RBFOX1: variants seen among roughly 807,000 people sequenced by gnomAD.
The protein encoded by RBFOX1 is RNA binding fox-1 homolog 1, also known as RNA binding protein fox-1 homolog 1.
Under a neutral mutation model 57.7 loss-of-function variants are expected in RBFOX1, and 8 were observed. The observed-to-expected ratio is 0.14, with a 90% CI of 0.08 to 0.25. RBFOX1 has a LOEUF of 0.25. Ranked by LOEUF, RBFOX1 falls within the 10% of genes least tolerant of loss-of-function variation. The pLI is 1.00. For missense variants in RBFOX1, 611 were observed against 548.5 expected, an observed-to-expected ratio of 1.11 and a Z score of -1.14; for synonymous variants, 326 against 222.4, an observed-to-expected ratio of 1.47 and a Z score of -4.15.
chr16:5,641,414 A>C (rs2048871194), intron 3 of RBFOX1, among the ~76,000 whole-genome samples: 1 of 152,252 alleles, frequency 6.6e-6, no homozygotes, highest in Admixed American at 6.5e-5. Flanking sequence ...AGTAAGTGCT[A>C]CAAACAACTG....
intron 1 of RBFOX1, among the ~76,000 whole-genome samples, chr16:6,277,619 T>C (rs1045053058): frequency 6.7e-6 from 1 of 149,594 alleles, no homozygotes; most frequent in Non-Finnish European, 1.5e-5. Context: ...TGAGCCGTGA[T>C]TGCACCACGG....
At chr16:6,291,272 C>T (rs2077440370) in intron 1 of RBFOX1, among the ~76,000 whole-genome samples, 1 of 152,174 alleles carries the variant, frequency 6.6e-6, no homozygotes, top group Admixed American at 6.5e-5. Context: ...CCCAGTAGGT[C>T]TCAGCCTCAT....
chr16:5,916,624 G>T (rs80304605), intron 4 of RBFOX1, among the ~76,000 whole-genome samples: 10,964 of 152,150 alleles, frequency 0.072, 547 homozygotes, highest in African/African-American at 0.13. Context: ...GGGGAAGCAG[G>T]AGGAGGAGGA....
chr16:7,239,145 C>T (rs185818855), intron 4 of RBFOX1, among the ~76,000 whole-genome samples: 154 of 152,242 alleles, frequency 1.0e-3, no homozygotes, highest in African/African-American at 3.5e-3. Flanking sequence ...CTTTGCCTTT[C>T]CTAAACCATG....
At chr16:7,375,219 AG>A (rs1568488044) in intron 4 of RBFOX1, among the ~76,000 whole-genome samples, 1 of 152,250 alleles carries the variant, frequency 6.6e-6, no homozygotes, top group Non-Finnish European at 1.5e-5. Flanking sequence ...ACATCGTTTC[AG>A]TGACCAAGTC....
intron 1 of RBFOX1, among the ~76,000 whole-genome samples, chr16:6,219,798 C>A (rs1331196229): frequency 6.6e-6 from 1 of 152,098 alleles, no homozygotes; most frequent in Non-Finnish European, 1.5e-5. Context: ...ATCACTTGAA[C>A]CCAGAAGGCG....
chr16:7,131,458 C>G (rs976955349), intron 4 of RBFOX1, among the ~76,000 whole-genome samples: 2 of 148,420 alleles, frequency 1.3e-5, no homozygotes, highest in East Asian at 2.0e-4. Flanking sequence ...TGCTTCTGCT[C>G]CGGTAGGTTT....
intron 2 of RBFOX1, among the ~76,000 whole-genome samples, chr16:6,637,282 TATATA>T (rs1461678950): frequency 1.6e-5 from 1 of 61,240 alleles, no homozygotes; most frequent in African/African-American, 8.5e-5. Flanking sequence ...TTATATATTA[TATATA>T]ATATATAATA....
At chr16:6,796,999 C>T (rs909433386) in intron 3 of RBFOX1, among the ~76,000 whole-genome samples, 4 of 152,106 alleles carry the variant, frequency 2.6e-5, no homozygotes, top group African/African-American at 9.7e-5. Context: ...TAAGATGCCA[C>T]GGGCAGTCTA....
chr16:6,816,083 G>A (rs1051926628), intron 3 of RBFOX1, among the ~76,000 whole-genome samples: 1 of 152,168 alleles, frequency 6.6e-6, no homozygotes, highest in Non-Finnish European at 1.5e-5. Flanking sequence ...TGAGGCAGGA[G>A]GATTGCTTGA....
At chr16:6,722,416 T>C (rs1179562348) in intron 3 of RBFOX1, among the ~76,000 whole-genome samples, 1 of 152,226 alleles carries the variant, frequency 6.6e-6, no homozygotes, top group Non-Finnish European at 1.5e-5. Flanking sequence ...AAGTATATTA[T>C]TTGCAGAGCA....
intron 4 of RBFOX1, chr16:7,332,943 C>T: frequency 1.9e-6 from 3 of 1,611,016 alleles, no homozygotes; most frequent in South Asian, 1.1e-5. Flanking sequence ...CTATAGATTT[C>T]CCCCTAACTC....
At chr16:7,378,086 A>C (rs1043633847) in intron 4 of RBFOX1, among the ~76,000 whole-genome samples, 1 of 152,244 alleles carries the variant, frequency 6.6e-6, no homozygotes, top group Non-Finnish European at 1.5e-5. Context: ...ATGGAGAAGT[A>C]GGAGGCAGAA....
chr16:5,937,260 G>C (rs1264909407), intron 4 of RBFOX1, among the ~76,000 whole-genome samples: 1 of 152,158 alleles, frequency 6.6e-6, no homozygotes, highest in African/African-American at 2.4e-5. Flanking sequence ...GGATTTACAG[G>C]AGCAAAGGCA....
chr16:6,828,004 T>C (rs1426289954), intron 3 of RBFOX1, among the ~76,000 whole-genome samples: 1 of 152,152 alleles, frequency 6.6e-6, no homozygotes, highest in Non-Finnish European at 1.5e-5. Flanking sequence ...TGCTCATCAA[T>C]TTTTCCCCAG....
chr16:7,212,487 A>C (rs1038986504), intron 4 of RBFOX1, among the ~76,000 whole-genome samples: 1 of 152,174 alleles, frequency 6.6e-6, no homozygotes, highest in African/African-American at 2.4e-5. Context: ...GGAATTACAA[A>C]ATCAGGTACA....
intron 1 of RBFOX1, among the ~76,000 whole-genome samples, chr16:5,273,948 A>T (rs1436162131): frequency 1.3e-5 from 2 of 152,164 alleles, no homozygotes; most frequent in Non-Finnish European, 2.9e-5. Flanking sequence ...ACTCGAGCAG[A>T]TTTAACTGAA....
At chr16:6,889,053 G>A (rs957408770) in intron 3 of RBFOX1, among the ~76,000 whole-genome samples, 2 of 152,148 alleles carry the variant, frequency 1.3e-5, no homozygotes, top group African/African-American at 4.8e-5. Context: ...AAATTTGATT[G>A]TATTTTTTCC....
intron 4 of RBFOX1, among the ~76,000 whole-genome samples, chr16:7,054,937 C>T (rs1055269811): frequency 2.0e-5 from 3 of 152,156 alleles, no homozygotes; most frequent in Non-Finnish European, 2.9e-5. Context: ...GCTGCGCTTT[C>T]TGTTTTGTGC....
Sources: gnomAD v4.1 joint callset for allele counts (sites outside exome capture counted in the v4.1 genomes callset) on GRCh38, gnomAD v4.1.1 for gene constraint, MANE v1.5 for transcripts, NCBI Gene and HGNC (gene_info 2026-07-23, HGNC 2026-07-21) for gene names.